Variants in DAAM2 observed in about 807,000 individuals in gnomAD.
DAAM2 encodes disheveled-associated activator of morphogenesis 2.
Under a neutral mutation model 120.7 loss-of-function variants are expected in DAAM2, and 39 were observed. The observed-to-expected ratio is 0.32, with a 90% CI of 0.25 to 0.42. The LOEUF is 0.42. DAAM2 is among the 10% of genes least tolerant of loss of function. DAAM2 has a pLI of 1.00. For synonymous variants in DAAM2, 488 were observed against 524.9 expected, an observed-to-expected ratio of 0.93 and a Z score of 0.96; for missense variants, 1,283 against 1,401.7, an observed-to-expected ratio of 0.92 and a Z score of 1.35.
intron 1 of DAAM2, among the ~76,000 whole-genome samples, chr6:39,801,229 T>A (rs1007875594): frequency 3.3e-5 from 5 of 152,206 alleles, no homozygotes; most frequent in African/African-American, 9.7e-5. Flanking sequence ...AAAGTACATT[T>A]TTCCCCCTGT....
intron 1 of DAAM2, among the ~76,000 whole-genome samples, chr6:39,800,743 G>T (rs141347567): frequency 1.2e-4 from 18 of 152,330 alleles, no homozygotes; most frequent in Admixed American, 9.1e-4. Context: ...CCCCTCTGCC[G>T]CAATGTGGGA....
In DAAM2 at chr6:39,878,004, G is replaced by A. The variant is rs1764940394; in HGVS notation, c.1302-199G>A. Among the ~76,000 whole-genome samples, 1 of 152,104 alleles carries A rather than the reference G, an allele frequency of 6.6e-6. No homozygotes were observed. The highest frequency in any genetic ancestry group is 1.5e-5 in the Non-Finnish European group (1 of 68,026). Reference sequence around the variant, plus strand: ...GGTATCTAAAGGTCTTTTCTCTCACGGTCTCCACAGACACATAATGTGAAC... The same window carrying A: ...GGTATCTAAAGGTCTTTTCTCTCACAGTCTCCACAGACACATAATGTGAAC... On this transcript the variant is annotated intron_variant, in intron 11 of 24. Coordinates refer to ENST00000274867, the MANE Select transcript of DAAM2 (RefSeq NM_001201427.2). This position sits in a 1 kb window ranked among gnomAD's most constrained non-coding sequence, Gnocchi z 5.0.
At chr6:39,891,744 G>C in intron 19 of DAAM2, 22 bp downstream of exon 19, 2 of 1,570,488 alleles carry the variant, frequency 1.3e-6, no homozygotes, top group Non-Finnish European at 1.7e-6. Context: ...GGTTGCAGGA[G>C]GCTTAGAGTG....
Position 39,879,386 on chromosome 6 carries a change from C to G in DAAM2, c.1754C>G (p.Pro585Arg). Residue 585 changes from proline (P) to arginine (R), a missense_variant, in exon 14 of 25, where the codon CCC becomes CGC. Coordinates refer to ENST00000274867, the MANE Select transcript of DAAM2 (RefSeq NM_001201427.2). ...LGMGLPLPQD[P>R]YPSSDVPLRK... ...ATGGGCCTGCCCCTCCCTCAGGACC[C>G]CTACCCCAGCAGTGACGTCCCACTC... The G allele has an allele frequency of 1.9e-6, 3 of 1,613,840 alleles. No homozygotes were observed. Among genetic ancestry groups the G allele is most frequent in the Non-Finnish European group, 2.5e-6 (3 of 1,179,830 alleles).
chr6:39,822,954 TGA>T (rs1295125842), intron 1 of DAAM2: 1 of 152,224 alleles, frequency 6.6e-6, no homozygotes, highest in Non-Finnish European at 1.5e-5. Context: ...CTCCAAGGTC[TGA>T]GACTCTGCTT....
At chr6:39,897,027 T>C in intron 20 of DAAM2, 47 bp downstream of exon 20, 1 of 1,572,074 alleles carries the variant, frequency 6.4e-7, no homozygotes, top group Non-Finnish European at 8.6e-7. Flanking sequence ...TATCTCACCC[T>C]ACCCTGGCCT....
rs759495034 is a variant in DAAM2 at position 39,867,561 on chromosome 6, C to T, written c.480C>T (p.Phe160=). The change falls in exon 6 of 25, where the codon TTC becomes TTT. Residue 160 remains phenylalanine (F), a synonymous_variant. Coordinates refer to ENST00000274867, the MANE Select transcript of DAAM2 (RefSeq NM_001201427.2). Reference sequence around the variant, plus strand: ...AGGGCTTGACCTGTCTGCTAAATTTCCTCCGGAGCATGGACCACGCCACCT... The same window carrying T: ...AGGGCTTGACCTGTCTGCTAAATTTTCTCCGGAGCATGGACCACGCCACCT... ...ELEGLTCLLN[F]LRSMDHATCE... is the part of the protein sequence containing the mutation. 3.7e-6 allele frequency: 6 copies of T among 1,614,038 alleles called. No homozygotes were observed. The South Asian group carries it at 4.4e-5, about 12-fold the overall frequency.
At chr6:39,883,824 C>T (rs1035129023) in intron 14 of DAAM2, 138 bp from the exon 15 acceptor site, 36 of 645,774 alleles carry the variant, frequency 5.6e-5, no homozygotes, top group African/African-American at 5.3e-4. Context: ...GGGGAGCAAC[C>T]GACTACCTTC....
At chr6:39,847,409 G>A (rs73734921) in intron 1 of DAAM2, among the ~76,000 whole-genome samples, 6,634 of 152,222 alleles carry the variant, frequency 0.044, 429 homozygotes, top group African/African-American at 0.14. Flanking sequence ...TGTGTGAGCC[G>A]GAGGAGGGGC....
chr6:39,889,605 G>A (rs959688460), intron 17 of DAAM2, among the ~76,000 whole-genome samples: 1 of 152,132 alleles, frequency 6.6e-6, no homozygotes, highest in African/African-American at 2.4e-5. Context: ...CAAGAATAAA[G>A]TTGACCCTTA....
intron 1 of DAAM2, among the ~76,000 whole-genome samples, chr6:39,797,697 G>A (rs1761740633): frequency 6.6e-6 from 1 of 152,170 alleles, no homozygotes; most frequent in Non-Finnish European, 1.5e-5. Flanking sequence ...GGAGTGAAAA[G>A]CACCAAAGTT....
chr6:39,901,544 G>A lies in DAAM2; in HGVS notation c.2982+72G>A. 3 of 1,505,288 alleles carry A rather than the reference G, an allele frequency of 2.0e-6. No individual in the cohort carries two copies. Among genetic ancestry groups the A allele is most frequent in the Non-Finnish European group, 2.7e-6 (3 of 1,117,476 alleles). 93.2% of individuals were successfully genotyped at this position (1,505,288 alleles called of 1,614,324 possible). A position where few individuals can be genotyped will look rare whatever the true frequency, so the allele number is the denominator to read the frequency against. ...TTGGGGAGAACACCCCCAAACTGGG[G>A]TGTGTGGGAGGAGGGCAGAGACTGA... On this transcript the variant is annotated intron_variant, in intron 24 of 24. Transcript: ENST00000274867. This position sits in a 1 kb window ranked among gnomAD's most constrained non-coding sequence, Gnocchi z 4.5.
intron 1 of DAAM2, among the ~76,000 whole-genome samples, chr6:39,823,938 A>T (rs906432413): frequency 6.6e-6 from 1 of 151,974 alleles, no homozygotes; most frequent in Admixed American, 6.6e-5. Context: ...CTGCTTTTGA[A>T]TGATGCTCCA....
intron 5 of DAAM2, among the ~76,000 whole-genome samples, chr6:39,865,700 G>A (rs1458298986): frequency 1.3e-5 from 2 of 152,204 alleles, no homozygotes; most frequent in African/African-American, 4.8e-5. Flanking sequence ...AATGCTGAGT[G>A]TCAAATTTTC....
intron 1 of DAAM2, among the ~76,000 whole-genome samples, chr6:39,825,491 C>T (rs1011859836): frequency 1.3e-5 from 2 of 151,730 alleles, no homozygotes; most frequent in Non-Finnish European, 2.9e-5. Context: ...TAAGCATACT[C>T]CTGTAAAGTA....
intron 1 of DAAM2, among the ~76,000 whole-genome samples, chr6:39,809,258 C>T (rs149825255): frequency 3.3e-5 from 5 of 152,282 alleles, no homozygotes; most frequent in Non-Finnish European, 5.9e-5. Context: ...TTAGCAGAAA[C>T]GTAATGGGGG....
In DAAM2 at chr6:39,897,247, A is replaced by T; in HGVS notation, c.2583A>T (p.Ser861=). 6.2e-7 allele frequency: 1 copy of T among 1,613,454 alleles called. No homozygotes were observed. Among genetic ancestry groups the T allele is most frequent in the Non-Finnish European group, 8.5e-7 (1 of 1,179,386 alleles). ...KHFPDILNMP[S]ELQHLPEAAK... ...TTCCTGATATTCTAAACATGCCTTC[A>T]GAGCTGCAACATCTTCCAGAAGCTG... The change falls in exon 21 of 25, where the codon TCA becomes TCT. Residue 861 remains serine (S), a synonymous_variant. Transcript: ENST00000274867.
intron 1 of DAAM2, among the ~76,000 whole-genome samples, chr6:39,799,180 C>A (rs1239856189): frequency 6.6e-6 from 1 of 152,142 alleles, no homozygotes; most frequent in African/African-American, 2.4e-5. Context: ...CTCCACAACA[C>A]TTCTAGGGGG....
At chr6:39,899,133 C>G (rs1766314772) in intron 22 of DAAM2, 196 bp downstream of exon 22, 1 of 577,206 alleles carries the variant, frequency 1.7e-6, no homozygotes, top group African/African-American at 1.9e-5. Flanking sequence ...AAGACTATAC[C>G]CATGTTACTG....
Sources: gnomAD v4.1 joint callset for allele counts (sites outside exome capture counted in the v4.1 genomes callset) on GRCh38, gnomAD v4.1.1 for gene constraint, Gnocchi (gnomAD v3.1) non-coding constraint, MANE v1.5 for transcripts, NCBI Gene and HGNC (gene_info 2026-07-23, HGNC 2026-07-21) for gene names.